NDEL1: variants seen among roughly 807,000 people sequenced by gnomAD.
NDEL1 encodes nuclear distribution protein nudE-like 1.
Under a neutral mutation model 45.7 loss-of-function variants are expected in NDEL1, and 9 were observed. The ratio of observed to expected loss-of-function variants is 0.20; its 90% CI spans 0.12 to 0.34. The LOEUF is 0.34. NDEL1 is among the 10% of genes least tolerant of loss of function. The pLI is 1.00. For missense variants in NDEL1, 306 were observed against 406.2 expected (o/e 0.75, Z 2.12); for synonymous variants, 133 against 158.6 (o/e 0.84, Z 1.21).
chr17:8,426,676 C>G (rs374576604), intron 1 of NDEL1, among the ~76,000 whole-genome samples: 1 of 152,126 alleles, frequency 6.6e-6, no homozygotes, highest in African/African-American at 2.4e-5. Context: ...GGTTCCAGAT[C>G]AGCAGGAAGT....
intron 8 of NDEL1, chr17:8,464,668 G>T (rs192984925): frequency 6.6e-6 from 1 of 152,372 alleles, no homozygotes; most frequent in East Asian, 1.9e-4. Flanking sequence ...TTTCCCATTA[G>T]AGCCGGCCTG....
chr17:8,461,735 G>T (rs1391928822), intron 8 of NDEL1, among the ~76,000 whole-genome samples: 2 of 152,104 alleles, frequency 1.3e-5, no homozygotes, highest in Admixed American at 1.3e-4. Context: ...AACTTTTAGG[G>T]TAGTCTTCAT....
chr17:8,428,456 C>T (rs1014591858), intron 1 of NDEL1, among the ~76,000 whole-genome samples: 1 of 150,926 alleles, frequency 6.6e-6, no homozygotes, highest in African/African-American at 2.4e-5. Flanking sequence ...CCTCCGCCTC[C>T]CAGGTTCAAG....
chr17:8,434,909 A>G (rs1909169033), upstream of NDEL1, among the ~76,000 whole-genome samples: 1 of 152,086 alleles, frequency 6.6e-6, no homozygotes, highest in Non-Finnish European at 1.5e-5. Flanking sequence ...GTCTCTACTA[A>G]AAATACAAAA....
intron 1 of NDEL1, among the ~76,000 whole-genome samples, chr17:8,426,753 G>C (rs1482210159): frequency 3.9e-5 from 6 of 152,110 alleles, no homozygotes; most frequent in African/African-American, 1.4e-4. Context: ...GCATGGCAGG[G>C]TATCAAGTTC....
intron 8 of NDEL1, 82 bp from the exon 9 acceptor site, chr17:8,466,848 A>G: frequency 2.2e-6 from 3 of 1,345,016 alleles, no homozygotes; most frequent in Non-Finnish European, 1.1e-6. Flanking sequence ...AAAGCAGATT[A>G]ATTTCCTATT....
At chr17:8,459,226 AG>A (rs1238862418) in intron 7 of NDEL1, among the ~76,000 whole-genome samples, 1 of 152,038 alleles carries the variant, frequency 6.6e-6, no homozygotes, top group Non-Finnish European at 1.5e-5. Flanking sequence ...TCGGAGAAGG[AG>A]GGGTTTGATT....
chr17:8,423,713 G>A (rs1387992387), intron 1 of NDEL1, among the ~76,000 whole-genome samples: 1 of 151,910 alleles, frequency 6.6e-6, no homozygotes, highest in African/African-American at 2.4e-5. Flanking sequence ...AACAAAAAAG[G>A]AGGGAATTGT....
In NDEL1 at chr17:8,446,788, A is replaced by T. The variant is rs184611624; in HGVS notation, c.275A>T (p.Lys92Met). The change falls in exon 4 of 9, where the codon AAG becomes ATG. Residue 92 changes from lysine to methionine, a missense_variant. This residue lies in a region of NDEL1 where 112 missense variants were observed against 148.3 expected (regional missense o/e 0.76). Coordinates refer to ENST00000334527, the MANE Select transcript of NDEL1 (RefSeq NM_030808.5). ...KLEHQYAQSY[K>M]QVSVLEDDLS... is the part of the protein sequence containing the mutation. ...GAGCATCAATATGCACAGAGCTATA[A>T]GCAGGTCTCAGTGTTAGAAGATGAT... is the stretch of plus-strand genomic sequence containing the variant. 6.2e-7 allele frequency: 1 copy of T among 1,614,218 alleles called. No homozygotes were observed. The highest frequency in any genetic ancestry group is 2.2e-5 in the East Asian group (1 of 44,884).
chr17:8,442,573 T>C (rs1422058947), intron 1 of NDEL1, among the ~76,000 whole-genome samples: 1 of 151,964 alleles, frequency 6.6e-6, no homozygotes, highest in Non-Finnish European at 1.5e-5. Flanking sequence ...TCCCCATGTG[T>C]TGGGATTACA....
Position 8,438,657 on chromosome 17 carries a change from A to C in NDEL1, c.-13+2612A>C, listed in dbSNP as rs572608300. Among the ~76,000 whole-genome samples, 12 of 152,146 alleles carry C rather than the reference A, an allele frequency of 7.9e-5. No individual in the cohort carries two copies. The South Asian group carries it at 2.3e-3, about 29-fold the overall frequency. On this transcript the variant is annotated intron_variant, in intron 1 of 8. Coordinates refer to ENST00000334527, the MANE Select transcript of NDEL1 (RefSeq NM_030808.5). ...CAGTCTCACGAGTAGCTGGGACCAC[A>C]GGTGCATGCCACCACACCCAGCTCA...
chr17:8,425,437 C>T (rs1302101292), intron 1 of NDEL1, among the ~76,000 whole-genome samples: 1 of 152,146 alleles, frequency 6.6e-6, no homozygotes, highest in Non-Finnish European at 1.5e-5. Context: ...CAAAAATTAG[C>T]TGGGTGTGGT....
intron 4 of NDEL1, 131 bp from the exon 5 acceptor site, chr17:8,448,419 A>T: frequency 1.1e-6 from 1 of 922,720 alleles, no homozygotes. Context: ...AAGGGGCAAG[A>T]TCATCTTCTT....
intron 8 of NDEL1, chr17:8,466,381 T>G (rs1911592275): frequency 6.5e-6 from 1 of 153,416 alleles, no homozygotes. Flanking sequence ...CCCTGCTTTG[T>G]GGATTTAGCT....
At chr17:8,436,869 T>C (rs1909381459) in intron 1 of NDEL1, among the ~76,000 whole-genome samples, 1 of 152,212 alleles carries the variant, frequency 6.6e-6, no homozygotes, top group Non-Finnish European at 1.5e-5. Context: ...TATTTATACT[T>C]AGGTTCAACC....
At chr17:8,440,104 T>C (rs1407428309) in intron 1 of NDEL1, among the ~76,000 whole-genome samples, 1 of 152,224 alleles carries the variant, frequency 6.6e-6, no homozygotes, top group Admixed American at 6.5e-5. Flanking sequence ...GTCCTTTTAG[T>C]AAATGATATC....
intron 1 of NDEL1, among the ~76,000 whole-genome samples, chr17:8,428,962 C>T (rs190589): frequency 1.6e-4 from 25 of 152,300 alleles, no homozygotes; most frequent in East Asian, 7.7e-4. Context: ...CATGAGCCAC[C>T]GCGCCCGGCC....
intron 7 of NDEL1, among the ~76,000 whole-genome samples, chr17:8,458,822 G>C (rs1911016166): frequency 1.3e-5 from 2 of 152,136 alleles, no homozygotes; most frequent in South Asian, 4.1e-4. Flanking sequence ...TGCTTCCTGG[G>C]TTCCAGTGAT....
upstream of NDEL1, among the ~76,000 whole-genome samples, chr17:8,433,246 A>G (rs182615323): frequency 1.0e-3 from 153 of 152,322 alleles, 1 homozygote; most frequent in East Asian, 5.0e-3. Flanking sequence ...ATTTTTCAGT[A>G]AGGATTGTGT....
Sources: allele counts gnomAD v4.1 joint callset (sites outside exome capture counted in the v4.1 genomes callset), GRCh38; gene constraint gnomAD v4.1.1; regional missense constraint gnomAD v4.1.1; transcripts MANE v1.5; gene names NCBI Gene and HGNC (gene_info 2026-07-23, HGNC 2026-07-21).